PCNX2: variants seen among roughly 807,000 people sequenced by gnomAD.
PCNX2 encodes pecanex 2.
A neutral mutation model predicts 223.8 loss-of-function variants in PCNX2; 168 were observed. That is an observed-to-expected ratio of 0.75 (90% confidence interval 0.66 to 0.85). The LOEUF (loss-of-function observed/expected upper bound fraction) is 0.85, where lower values mean the gene tolerates loss of function less well. Ranked by LOEUF, PCNX2 falls within the 40% of genes least tolerant of loss-of-function variation. The probability of loss-of-function intolerance (pLI) is 0.00; values close to 1 mark genes in which losing one functional copy is unlikely to be tolerated. For missense variants in PCNX2, 2,507 were observed against 2,675.5 expected, an observed-to-expected ratio of 0.94 and a Z score of 1.39; for synonymous variants, 1,006 against 1,052.6, an observed-to-expected ratio of 0.96 and a Z score of 0.86.
intron 23 of PCNX2, among the ~76,000 whole-genome samples, chr1:233,068,686 G>T (rs1672722409): frequency 6.6e-6 from 1 of 151,732 alleles, no homozygotes; most frequent in South Asian, 2.1e-4. Context: ...CTAATACCTA[G>T]AGCAAACACT....
chr1:233,261,906 G>A lies in PCNX2; in HGVS notation c.480+139C>T, dbSNP rs1660068108. ...ACCCTTCAGGCCATTTCCAGACCCTGGGATGTGATATTCCACTGTACACGG... is the reference window on the plus strand; with the variant it reads ...ACCCTTCAGGCCATTTCCAGACCCTAGGATGTGATATTCCACTGTACACGG... On this transcript the variant is annotated intron_variant, in intron 3 of 33. Transcript: ENST00000258229. 6.8e-6 allele frequency: 9 copies of A among 1,329,522 alleles called. No homozygotes were observed. In the Admixed American group the frequency reaches 1.7e-4, roughly 25 times the overall value. The allele number at this position is 1,329,522 out of a possible 1,614,324, so 82.4% of individuals were successfully genotyped here. A position where few individuals can be genotyped will look rare whatever the true frequency, so the allele number is the denominator to read the frequency against.
intron 25 of PCNX2, among the ~76,000 whole-genome samples, chr1:233,039,886 C>T (rs1671583077): frequency 6.6e-6 from 1 of 152,168 alleles, no homozygotes; most frequent in Non-Finnish European, 1.5e-5. Context: ...TAACTTTCAT[C>T]ACAACTTTAT....
intron 17 of PCNX2, among the ~76,000 whole-genome samples, chr1:233,162,309 T>G (rs1021853671): frequency 6.6e-6 from 1 of 152,200 alleles, no homozygotes; most frequent in Non-Finnish European, 1.5e-5. Flanking sequence ...ATTGATCATT[T>G]GAAGGTATCA....
intron 9 of PCNX2, among the ~76,000 whole-genome samples, chr1:233,236,203 A>T (rs1558377024): frequency 6.6e-6 from 1 of 151,752 alleles, no homozygotes; most frequent in East Asian, 1.9e-4. Context: ...CTCCTCCAAA[A>T]TGCCCAAAAT....
rs78535961 is a variant in PCNX2, at chr1:233,250,406, C to A, written c.2222+333G>T. On this transcript the variant is annotated intron_variant, in intron 8 of 33. Coordinates refer to ENST00000258229, the MANE Select transcript of PCNX2 (RefSeq NM_014801.4). Reference sequence around the variant, plus strand: ...AATGAGAACTAACCACATTTCTAGTCCACTCCTTGGGACAAATTTAATAAT... The same window carrying A: ...AATGAGAACTAACCACATTTCTAGTACACTCCTTGGGACAAATTTAATAAT... Among the ~76,000 whole-genome samples, 887 of 152,254 alleles carry A rather than the reference C, an allele frequency of 5.8e-3. 2 individuals carry two copies. The highest frequency in any genetic ancestry group is 0.014 in the Middle Eastern group (4 of 294).
the PCNX2 span, among the ~76,000 whole-genome samples, chr1:233,308,668 T>C: frequency 0.011 from 1,605 of 152,220 alleles, 28 homozygotes; most frequent in African/African-American, 0.036. Context: ...CTATTTTTAA[T>C]CCTGTTTATA....
At chr1:233,286,605 G>A (rs1317772251) in intron 1 of PCNX2, among the ~76,000 whole-genome samples, 1 of 152,074 alleles carries the variant, frequency 6.6e-6, no homozygotes, top group African/African-American at 2.4e-5. Flanking sequence ...AGCTGGAGGT[G>A]GACAGAGTAT....
At chr1:233,178,106 G>A (rs1412117820) in intron 16 of PCNX2, among the ~76,000 whole-genome samples, 1 of 152,210 alleles carries the variant, frequency 6.6e-6, no homozygotes, top group Non-Finnish European at 1.5e-5. Flanking sequence ...GAGCAGTCAA[G>A]TACCTTAGCA....
intron 25 of PCNX2, among the ~76,000 whole-genome samples, chr1:233,028,851 T>A (rs1671171383): frequency 6.6e-6 from 1 of 150,596 alleles, no homozygotes; most frequent in African/African-American, 2.4e-5. Flanking sequence ...TTTTTTTTTT[T>A]TTTTTGAGAT....
chr1:233,255,872 C>G (rs954552384), intron 5 of PCNX2, among the ~76,000 whole-genome samples: 3 of 152,176 alleles, frequency 2.0e-5, no homozygotes, highest in African/African-American at 7.2e-5. Context: ...ATAACAAATA[C>G]TTTAGTGAAA....
rs539466212 is a variant in PCNX2, at chr1:233,275,581, GTATT to G, written c.154-12422_154-12419del. On this transcript the variant is annotated intron_variant, in intron 1 of 33. Coordinates refer to ENST00000258229, the MANE Select transcript of PCNX2 (RefSeq NM_014801.4). Reference sequence around the variant, plus strand: ...AGTTGATATATTGTTATTTTAAAAAGTATTTACACAAAACAGTGTGGGACTTCTT... The same window carrying G: ...AGTTGATATATTGTTATTTTAAAAAGTACACAAAACAGTGTGGGACTTCTT... Among the ~76,000 whole-genome samples the G allele has an allele frequency of 1.5e-3, 223 of 152,236 alleles. 1 individual carries two copies. The highest frequency in any genetic ancestry group is 5.1e-3 in the African/African-American group (211 of 41,558).
At chr1:233,082,999 C>A (rs1673427263) in intron 23 of PCNX2, among the ~76,000 whole-genome samples, 1 of 152,154 alleles carries the variant, frequency 6.6e-6, no homozygotes, top group South Asian at 2.1e-4. Flanking sequence ...ACGTAAACTT[C>A]CTCTTTTCAG....
rs766883997 is a variant in PCNX2, at chr1:233,134,973, T to C, written c.3837+40A>G. 7 of 1,513,190 alleles carry C rather than the reference T, an allele frequency of 4.6e-6. No individual in the cohort carries two copies. In the African/African-American group the frequency reaches 8.3e-5, roughly 18 times the overall value. The allele number at this position is 1,513,190 out of a possible 1,614,324, so 93.7% of individuals were successfully genotyped here. A position where few individuals can be genotyped will look rare whatever the true frequency, so the allele number is the denominator to read the frequency against. On this transcript the variant is annotated intron_variant, in intron 21 of 33. Coordinates refer to ENST00000258229, the MANE Select transcript of PCNX2 (RefSeq NM_014801.4). Reference sequence around the variant, plus strand: ...AAAACATTTGATAAGAACAGCCCCCTTTAAAATGTTAAAATGAAGAAAATA... The same window carrying C: ...AAAACATTTGATAAGAACAGCCCCCCTTAAAATGTTAAAATGAAGAAAATA...
intron 26 of PCNX2, among the ~76,000 whole-genome samples, chr1:233,019,868 G>A (rs965636287): frequency 6.6e-6 from 1 of 152,036 alleles, no homozygotes; most frequent in African/African-American, 2.4e-5. Flanking sequence ...TTAAGTCGTC[G>A]GCCCAAAGTT....
intron 32 of PCNX2, among the ~76,000 whole-genome samples, chr1:232,987,019 T>C (rs573099630): frequency 2.6e-4 from 40 of 152,326 alleles, no homozygotes; most frequent in African/African-American, 9.4e-4. Context: ...CAGGGTTCTG[T>C]CATTTTTATT....
chr1:233,108,463 G>GTA (rs1674930718), intron 21 of PCNX2, among the ~76,000 whole-genome samples: 1 of 152,204 alleles, frequency 6.6e-6, no homozygotes, highest in Admixed American at 6.5e-5. Flanking sequence ...GTGGGACAGT[G>GTA]TAAAGCCTTA....
At chr1:233,112,839 T>A in intron 21 of PCNX2, 3 of 1,278,560 alleles carry the variant, frequency 2.3e-6, no homozygotes, top group East Asian at 1.1e-4. Context: ...AAAAGCTGAC[T>A]CTTACTTTGA....
rs759725947 is a variant in PCNX2 at position 233,252,381 on chromosome 1, C to T, written c.2101G>A (p.Ala701Thr). 14 of 1,611,854 alleles carry T rather than the reference C, an allele frequency of 8.7e-6. No individual in the cohort carries two copies. The South Asian group carries it at 1.5e-4, about 18-fold the overall frequency. ...TGTTCATCAATGAAGACATGCATAG[C>T]ATCCACAGATATCTCTTCTTGTACA... ...TSVQEEISVDAMHVFIDEHGE... is the reference protein window; with the variant it reads ...TSVQEEISVDTMHVFIDEHGE... Residue 701 changes from alanine (A) to threonine (T), a missense_variant, in exon 7 of 34, where the codon GCT becomes ACT. This residue lies in a region of PCNX2 where 1,031 missense variants were observed against 1,021.7 expected (regional missense o/e 1.01). Coordinates refer to ENST00000258229, the MANE Select transcript of PCNX2 (RefSeq NM_014801.4).
At chr1:233,055,923 G>A (rs775072019) in intron 24 of PCNX2, among the ~76,000 whole-genome samples, 2 of 152,156 alleles carry the variant, frequency 1.3e-5, no homozygotes, top group Non-Finnish European at 2.9e-5. Context: ...GCTTACATAA[G>A]GAAGATCACC....
Sources: gnomAD v4.1 joint callset for allele counts (sites outside exome capture counted in the v4.1 genomes callset) on GRCh38, gnomAD v4.1.1 for gene constraint, gnomAD v4.1.1 regional missense constraint, MANE v1.5 for transcripts, NCBI Gene and HGNC (gene_info 2026-07-23, HGNC 2026-07-21) for gene names.